MCTP2: variants seen among roughly 807,000 people sequenced by gnomAD.
MCTP2 encodes the protein multiple C2 and transmembrane domain-containing protein 2.
Under a neutral mutation model 111.6 loss-of-function variants are expected in MCTP2, and 132 were observed. The observed-to-expected ratio is 1.18, with a 90% CI of 1.03 to 1.37. MCTP2 has a LOEUF of 1.37. MCTP2 is among the 40% of genes most tolerant of loss of function. MCTP2 has a pLI of 0.00. For missense variants in MCTP2, 1,183 were observed against 1,067.9 expected (o/e 1.11, Z -1.50); for synonymous variants, 395 against 387.7 (o/e 1.02, Z -0.22).
intron 6 of MCTP2, 45 bp downstream of exon 6, chr15:94,340,320 G>A: frequency 7.3e-7 from 1 of 1,375,264 alleles, no homozygotes; most frequent in Non-Finnish European, 1.0e-6. Context: ...AGTTTTAGAG[G>A]GAACTTACGA....
intron 1 of MCTP2, among the ~76,000 whole-genome samples, chr15:94,236,702 A>T (rs984402372): frequency 7.9e-5 from 12 of 152,064 alleles, no homozygotes; most frequent in African/African-American, 2.9e-4. Context: ...ACCAGAAGAG[A>T]TACAGTGTGA....
chr15:94,331,972 G>C (rs1462358956), intron 4 of MCTP2, among the ~76,000 whole-genome samples: 1 of 152,200 alleles, frequency 6.6e-6, no homozygotes, highest in African/African-American at 2.4e-5. Flanking sequence ...ATCTGCAAAA[G>C]AAAGATGGGC....
chr15:94,415,917 CT>C, intron 17 of MCTP2, among the ~76,000 whole-genome samples: 1 of 152,194 alleles, frequency 6.6e-6, no homozygotes. Flanking sequence ...CACTGAAAAG[CT>C]TAAAGAAAGG....
intron 1 of MCTP2, among the ~76,000 whole-genome samples, chr15:94,245,921 C>G (rs1245197051): frequency 6.6e-6 from 1 of 151,978 alleles, no homozygotes; most frequent in Admixed American, 6.6e-5. Context: ...AAAAACTTGT[C>G]TCCCTGGAGT....
chr15:94,315,768 C>G (rs1427427045), intron 4 of MCTP2, 131 bp downstream of exon 4: 3 of 645,606 alleles, frequency 4.6e-6, no homozygotes, highest in East Asian at 2.8e-5. Context: ...ATCTAAGTCT[C>G]TCCAGGTATA....
chr15:94,472,991 C>G (rs954803709), intron 21 of MCTP2, among the ~76,000 whole-genome samples: 19 of 152,112 alleles, frequency 1.2e-4, no homozygotes, highest in Middle Eastern at 3.4e-3. Context: ...CTTTCTTATT[C>G]TAAGTTACTT....
intron 4 of MCTP2, among the ~76,000 whole-genome samples, chr15:94,318,167 G>A (rs894284585): frequency 2.6e-5 from 4 of 152,010 alleles, no homozygotes; most frequent in South Asian, 2.1e-4. Flanking sequence ...TTTCTCTGGC[G>A]AGTAGAAGAG....
intron 1 of MCTP2, among the ~76,000 whole-genome samples, chr15:94,295,540 T>G (rs2152330952): frequency 6.6e-6 from 1 of 152,274 alleles, no homozygotes; most frequent in South Asian, 2.1e-4. Context: ...ACACATGTGC[T>G]GAGTCTTCAG....
chr15:94,306,833 A>G (rs1358734532), intron 2 of MCTP2, among the ~76,000 whole-genome samples: 1 of 152,188 alleles, frequency 6.6e-6, no homozygotes, highest in African/African-American at 2.4e-5. Flanking sequence ...ATTTCCAGAA[A>G]TGGCTTGGCA....
chr15:94,429,904 C>G (rs1346328884), intron 17 of MCTP2, among the ~76,000 whole-genome samples: 3 of 152,192 alleles, frequency 2.0e-5, no homozygotes, highest in Non-Finnish European at 4.4e-5. Flanking sequence ...ATGGACAAAT[C>G]CATTCATCTA....
At chr15:94,395,254 C>G (rs777316800) in intron 14 of MCTP2, among the ~76,000 whole-genome samples, 3 of 152,190 alleles carry the variant, frequency 2.0e-5, no homozygotes, top group Non-Finnish European at 2.9e-5. Context: ...GTTATTTTCC[C>G]TTTTATGCAG....
intron 2 of MCTP2, among the ~76,000 whole-genome samples, chr15:94,312,724 C>T (rs377530607): frequency 2.6e-5 from 4 of 152,186 alleles, no homozygotes; most frequent in Admixed American, 1.3e-4. Flanking sequence ...CATGAGGCTC[C>T]ATTCCTTCTT....
intron 19 of MCTP2, among the ~76,000 whole-genome samples, chr15:94,455,068 C>T (rs554106785): frequency 2.1e-4 from 32 of 152,330 alleles, no homozygotes; most frequent in Non-Finnish European, 3.7e-4. Flanking sequence ...GTGATCTGCC[C>T]GCCATGGCCT....
intron 15 of MCTP2, 157 bp from the exon 16 acceptor site, chr15:94,399,764 C>T: frequency 1.6e-6 from 1 of 634,156 alleles, no homozygotes; most frequent in East Asian, 2.7e-5. Context: ...CCTCCAGAAA[C>T]ATGTACAGGG....
chr15:94,424,034 G>T (rs1231398900), intron 17 of MCTP2, among the ~76,000 whole-genome samples: 3 of 151,982 alleles, frequency 2.0e-5, no homozygotes, highest in African/African-American at 7.3e-5. Flanking sequence ...ACTAAATGTT[G>T]CATGTCACTC....
chr15:94,242,367 T>A (rs1461568752), intron 1 of MCTP2, among the ~76,000 whole-genome samples: 1 of 152,128 alleles, frequency 6.6e-6, no homozygotes, highest in Non-Finnish European at 1.5e-5. Context: ...AGATACTTCA[T>A]AAATGTCTAT....
At chr15:94,363,169 T>G (rs1443053669) in intron 10 of MCTP2, among the ~76,000 whole-genome samples, 1 of 152,194 alleles carries the variant, frequency 6.6e-6, no homozygotes, top group Non-Finnish European at 1.5e-5. Context: ...TTCATTCTTT[T>G]GTGCGTTCAG....
At chr15:94,355,820 C>G in intron 8 of MCTP2, 1 of 644,442 alleles carries the variant, frequency 1.6e-6, no homozygotes. Context: ...TTCTTCCTCT[C>G]ACACTATTAA....
chr15:94,320,978 C>T (rs2076606051), intron 4 of MCTP2, among the ~76,000 whole-genome samples: 1 of 152,096 alleles, frequency 6.6e-6, no homozygotes, highest in African/African-American at 2.4e-5. Context: ...TGTACCTTGC[C>T]TCATAATGTG....
Sources: allele counts gnomAD v4.1 joint callset (sites outside exome capture counted in the v4.1 genomes callset), GRCh38; gene constraint gnomAD v4.1.1; transcripts MANE v1.5; gene names NCBI Gene and HGNC (gene_info 2026-07-23, HGNC 2026-07-21).